Variants in UNC5D observed in about 807,000 individuals in gnomAD.
UNC5D encodes the protein unc-5 netrin receptor D.
A neutral mutation model predicts 105.4 loss-of-function variants in UNC5D; 39 were observed. The ratio of observed to expected loss-of-function variants is 0.37; its 90% CI spans 0.29 to 0.48. UNC5D has a LOEUF of 0.48. Among genes scored for constraint, UNC5D ranks in the 20% least tolerant of loss-of-function variants. The probability of loss-of-function intolerance (pLI) is 0.98; values close to 1 mark genes in which losing one functional copy is unlikely to be tolerated. For synonymous variants in UNC5D, 452 were observed against 450.4 expected (o/e 1.00, Z -0.04); for missense variants, 991 against 1,202.4 (o/e 0.82, Z 2.60).
chr8:35,707,237 G>A (rs1233598956), intron 8 of UNC5D, among the ~76,000 whole-genome samples: 1 of 152,166 alleles, frequency 6.6e-6, no homozygotes, highest in Admixed American at 6.5e-5. Context: ...AAGCCATTCT[G>A]TTCCTATTTC....
At chr8:35,591,187 A>G (rs1819150110) in intron 3 of UNC5D, among the ~76,000 whole-genome samples, 1 of 152,100 alleles carries the variant, frequency 6.6e-6, no homozygotes, top group South Asian at 2.1e-4. Flanking sequence ...CTGACACTAC[A>G]TTGTTGTTAG....
At chr8:35,559,757 T>C (rs1289670340) in intron 2 of UNC5D, among the ~76,000 whole-genome samples, 1 of 152,230 alleles carries the variant, frequency 6.6e-6, no homozygotes, top group Non-Finnish European at 1.5e-5. Context: ...TCCTCTTACA[T>C]TTCTCTTCCT....
intron 1 of UNC5D, among the ~76,000 whole-genome samples, chr8:35,368,567 T>C (rs1449649396): frequency 4.7e-5 from 7 of 150,222 alleles, no homozygotes; most frequent in East Asian, 3.9e-4. Flanking sequence ...TAAGATAATA[T>C]AGATAATTAT....
At chr8:35,353,691 AAAG>A (rs1563337471) in intron 1 of UNC5D, among the ~76,000 whole-genome samples, 1 of 152,156 alleles carries the variant, frequency 6.6e-6, no homozygotes, top group Non-Finnish European at 1.5e-5. Flanking sequence ...TTATTCTTAA[AAAG>A]AAGAAGATAC....
At chr8:35,425,000 C>T (rs1360938797) in intron 1 of UNC5D, among the ~76,000 whole-genome samples, 1 of 152,070 alleles carries the variant, frequency 6.6e-6, no homozygotes, top group Non-Finnish European at 1.5e-5. Context: ...GTTCCCCTTC[C>T]TGTGTCCATG....
chr8:35,572,008 C>G (rs757286576), intron 3 of UNC5D, among the ~76,000 whole-genome samples: 1 of 152,060 alleles, frequency 6.6e-6, no homozygotes, highest in Non-Finnish European at 1.5e-5. Context: ...TGCCATGGGC[C>G]GGGTACAGTG....
intron 1 of UNC5D, among the ~76,000 whole-genome samples, chr8:35,267,345 T>C (rs1468012630): frequency 6.6e-6 from 1 of 152,198 alleles, no homozygotes; most frequent in African/African-American, 2.4e-5. Flanking sequence ...GTTGTATTGA[T>C]ATAGCTAATT....
intron 1 of UNC5D, among the ~76,000 whole-genome samples, chr8:35,507,658 TA>T (rs1436260657): frequency 6.6e-6 from 1 of 151,720 alleles, no homozygotes; most frequent in South Asian, 2.1e-4. Flanking sequence ...GGTTAATGGG[TA>T]AAAAAAATAG....
intron 1 of UNC5D, among the ~76,000 whole-genome samples, chr8:35,400,259 G>A (rs1366446497): frequency 6.6e-6 from 1 of 151,792 alleles, no homozygotes; most frequent in Admixed American, 6.6e-5. Context: ...CTGATATATT[G>A]GGAAAATTAA....
intron 3 of UNC5D, among the ~76,000 whole-genome samples, chr8:35,581,282 C>G: frequency 6.6e-6 from 1 of 152,076 alleles, no homozygotes; most frequent in East Asian, 1.9e-4. Flanking sequence ...TGGAGTCTTT[C>G]GCTCCAGGGC....
At chr8:35,268,427 A>G (rs567259188) in intron 1 of UNC5D, among the ~76,000 whole-genome samples, 113 of 152,290 alleles carry the variant, frequency 7.4e-4, no homozygotes, top group African/African-American at 2.5e-3. Flanking sequence ...ACCTAGTACT[A>G]TAGTGATAAA....
chr8:35,371,178 A>G (rs1427422748), intron 1 of UNC5D, among the ~76,000 whole-genome samples: 4 of 39,370 alleles, frequency 1.0e-4, no homozygotes, highest in African/African-American at 2.8e-4. Flanking sequence ...GTGCCACTGC[A>G]CACACACACA....
chr8:35,767,089 A>G, intron 15 of UNC5D, 23 bp downstream of exon 15: 1 of 1,588,722 alleles, frequency 6.3e-7, no homozygotes, highest in Non-Finnish European at 8.6e-7. Context: ...TCTACAGGTC[A>G]TTTGACCCCC....
In UNC5D at chr8:35,794,308, A is replaced by T. The variant is rs778360525; in HGVS notation, c.*3745A>T. 2.0e-5 allele frequency: 3 copies of T among 152,184 alleles called. No homozygotes were observed. Among genetic ancestry groups the T allele is most frequent in the Non-Finnish European group, 4.4e-5 (3 of 68,044 alleles). 9.4% of individuals were successfully genotyped at this position (152,184 alleles called of 1,614,324 possible). On this transcript the variant is annotated 3_prime_UTR_variant, in exon 17 of 17. Coordinates refer to ENST00000404895, the MANE Select transcript of UNC5D (RefSeq NM_080872.4). ...TTCCAGCTCTGTAAAGGTCACAGGA[A>T]TCGTGAAGGAGCTGAGAAATCTTCC... is the stretch of plus-strand genomic sequence containing the variant.
intron 1 of UNC5D, among the ~76,000 whole-genome samples, chr8:35,500,792 T>C (rs1811915884): frequency 2.0e-5 from 3 of 152,204 alleles, no homozygotes; most frequent in Admixed American, 2.0e-4. Context: ...AACGGATGAC[T>C]TAAAGCAAAA....
chr8:35,390,535 C>T (rs748876504), intron 1 of UNC5D, among the ~76,000 whole-genome samples: 2 of 151,900 alleles, frequency 1.3e-5, no homozygotes, highest in African/African-American at 2.4e-5. Context: ...GAAGCAAAGT[C>T]TTTAAGGAAC....
intron 1 of UNC5D, among the ~76,000 whole-genome samples, chr8:35,339,818 T>G (rs1449706715): frequency 1.3e-5 from 2 of 152,078 alleles, no homozygotes; most frequent in Non-Finnish European, 2.9e-5. Flanking sequence ...CCATCTTGAG[T>G]CAGTATAATT....
intron 1 of UNC5D, among the ~76,000 whole-genome samples, chr8:35,510,614 C>G (rs1812641584): frequency 1.3e-5 from 2 of 152,270 alleles, no homozygotes; most frequent in South Asian, 4.1e-4. Flanking sequence ...CATATCCTCA[C>G]CAGTTAGCTC....
At chr8:35,583,108 T>C (rs1818558570) in intron 3 of UNC5D, among the ~76,000 whole-genome samples, 3 of 152,068 alleles carry the variant, frequency 2.0e-5, no homozygotes, top group Non-Finnish European at 1.5e-5. Flanking sequence ...TCTCACCACT[T>C]TGGGAGGCTA....
Sources: gnomAD v4.1 joint callset for allele counts (sites outside exome capture counted in the v4.1 genomes callset) on GRCh38, gnomAD v4.1.1 for gene constraint, MANE v1.5 for transcripts, NCBI Gene and HGNC (gene_info 2026-07-23, HGNC 2026-07-21) for gene names.